ROBO2: variants seen among roughly 807,000 people sequenced by gnomAD.
ROBO2 encodes the protein roundabout guidance receptor 2, also known as roundabout homolog 2.
Under a neutral mutation model 160.8 loss-of-function variants are expected in ROBO2, and 53 were observed. The ratio of observed to expected loss-of-function variants is 0.33; its 90% CI spans 0.26 to 0.41. The LOEUF (loss-of-function observed/expected upper bound fraction) is 0.41. ROBO2 is among the 10% of genes least tolerant of loss of function. The pLI is 1.00. For missense variants in ROBO2, 1,577 were observed against 1,722.4 expected (o/e 0.92, Z 1.49); for synonymous variants, 664 against 611.7 (o/e 1.09, Z -1.26).
intron 2 of ROBO2, among the ~76,000 whole-genome samples, chr3:76,218,101 G>A (rs921197543): frequency 3.9e-5 from 6 of 152,062 alleles, no homozygotes; most frequent in African/African-American, 9.7e-5. Flanking sequence ...GACCTTTGAC[G>A]AAATTCAACA....
At chr3:76,864,749 A>T (rs1045216674) in intron 2 of ROBO2, among the ~76,000 whole-genome samples, 1 of 152,208 alleles carries the variant, frequency 6.6e-6, no homozygotes, top group South Asian at 2.1e-4. Context: ...TAACAATTAG[A>T]TTATTAGAAG....
intron 2 of ROBO2, among the ~76,000 whole-genome samples, chr3:76,225,820 CTA>C (rs758833987): frequency 6.6e-6 from 1 of 152,072 alleles, no homozygotes; most frequent in Non-Finnish European, 1.5e-5. Context: ...AAGCCTGAAA[CTA>C]TCAGTTTTTT....
intron 2 of ROBO2, among the ~76,000 whole-genome samples, chr3:77,127,130 T>C (rs962465735): frequency 6.6e-6 from 1 of 152,146 alleles, no homozygotes; most frequent in African/African-American, 2.4e-5. Flanking sequence ...GTAGAAATGT[T>C]GACCTACAGG....
At chr3:76,554,179 A>G (rs74611747) in intron 2 of ROBO2, among the ~76,000 whole-genome samples, 7 of 151,732 alleles carry the variant, frequency 4.6e-5, no homozygotes, top group African/African-American at 1.5e-4. Flanking sequence ...AGAATGAGCT[A>G]CATCTATGGA....
At chr3:76,656,471 G>A (rs2091529010) in intron 2 of ROBO2, among the ~76,000 whole-genome samples, 3 of 152,128 alleles carry the variant, frequency 2.0e-5, no homozygotes, top group Middle Eastern at 3.4e-3. Context: ...CACTTCTTGT[G>A]AAGGCACTGC....
intron 2 of ROBO2, among the ~76,000 whole-genome samples, chr3:76,241,238 C>T (rs951676532): frequency 7.9e-5 from 12 of 152,140 alleles, no homozygotes; most frequent in African/African-American, 1.2e-4. Context: ...TTCATGATGC[C>T]ATGGCTTCCC....
chr3:77,632,341 A>G, intron 23 of ROBO2: 1 of 650,604 alleles, frequency 1.5e-6, no homozygotes, highest in Non-Finnish European at 2.5e-6. Context: ...TGATACTTGC[A>G]TTTGGCTAAA....
At chr3:77,269,595 G>T (rs1215652052) in intron 2 of ROBO2, among the ~76,000 whole-genome samples, 1 of 143,708 alleles carries the variant, frequency 7.0e-6, no homozygotes, top group Non-Finnish European at 1.5e-5. Context: ...AAACATGGTT[G>T]GTAAGGAGTT....
intron 2 of ROBO2, among the ~76,000 whole-genome samples, chr3:76,603,055 G>A (rs894520069): frequency 6.6e-6 from 1 of 152,012 alleles, no homozygotes; most frequent in Non-Finnish European, 1.5e-5. Flanking sequence ...GTAGAGGCTG[G>A]GCGCAGTGGC....
At chr3:77,034,378 TAAAAAAA>T (rs200520468) in intron 2 of ROBO2, among the ~76,000 whole-genome samples, 2 of 131,142 alleles carry the variant, frequency 1.5e-5, no homozygotes, top group Non-Finnish European at 3.3e-5. Context: ...TATTCTTTGT[TAAAAAAA>T]AAAAAAAAAA....
intron 2 of ROBO2, among the ~76,000 whole-genome samples, chr3:76,748,622 C>A (rs2093931017): frequency 1.3e-5 from 2 of 151,560 alleles, no homozygotes. Flanking sequence ...TTAAATGGGA[C>A]TTAAAGACAA....
At chr3:77,199,415 G>A (rs2082606893) in intron 2 of ROBO2, among the ~76,000 whole-genome samples, 1 of 152,148 alleles carries the variant, frequency 6.6e-6, no homozygotes. Context: ...GTCTTTAAAT[G>A]ACGGTGGTCA....
At chr3:76,010,071 C>T (rs2066149332) in intron 2 of ROBO2, among the ~76,000 whole-genome samples, 1 of 152,156 alleles carries the variant, frequency 6.6e-6, no homozygotes, top group African/African-American at 2.4e-5. Context: ...AGTTGGACAT[C>T]TGTAGATACT....
chr3:76,984,041 A>G (rs2060239806), intron 2 of ROBO2, among the ~76,000 whole-genome samples: 1 of 152,182 alleles, frequency 6.6e-6, no homozygotes, highest in African/African-American at 2.4e-5. Context: ...GGGAAATGCC[A>G]GAGGCTTATA....
chr3:77,024,300 T>C (rs182383409), intron 2 of ROBO2, among the ~76,000 whole-genome samples: 4 of 152,292 alleles, frequency 2.6e-5, no homozygotes, highest in African/African-American at 9.6e-5. Context: ...GTCAGGGACA[T>C]CAGGTGGAAC....
chr3:76,536,790 A>G (rs1356719834), intron 2 of ROBO2, among the ~76,000 whole-genome samples: 2 of 152,096 alleles, frequency 1.3e-5, no homozygotes, highest in Non-Finnish European at 2.9e-5. Flanking sequence ...TGTAGGACTG[A>G]GTCAAACATT....
At chr3:77,517,063 G>C (rs1294929431) in intron 5 of ROBO2, among the ~76,000 whole-genome samples, 7 of 151,410 alleles carry the variant, frequency 4.6e-5, no homozygotes, top group Non-Finnish European at 8.9e-5. Context: ...AAGAAGACAA[G>C]AAATAAGGAA....
At chr3:76,954,620 T>G (rs1459687994) in intron 2 of ROBO2, among the ~76,000 whole-genome samples, 4 of 152,232 alleles carry the variant, frequency 2.6e-5, no homozygotes, top group Non-Finnish European at 5.9e-5. Flanking sequence ...AAGGGCATGT[T>G]ATTCTGGCTT....
intron 2 of ROBO2, among the ~76,000 whole-genome samples, chr3:76,873,013 A>G (rs1416302676): frequency 6.6e-6 from 1 of 152,146 alleles, no homozygotes; most frequent in Non-Finnish European, 1.5e-5. Context: ...ATATATTGGT[A>G]TTTTAAATAT....
Sources: gnomAD v4.1 joint callset for allele counts (sites outside exome capture counted in the v4.1 genomes callset) on GRCh38, gnomAD v4.1.1 for gene constraint, MANE v1.5 for transcripts, NCBI Gene and HGNC (gene_info 2026-07-23, HGNC 2026-07-21) for gene names.